The following COL4A6 variants were observed in gnomAD, a reference collection of about 807,000 sequenced individuals.
The protein encoded by COL4A6 is collagen alpha-6(IV) chain.
Under a neutral mutation model 126.7 loss-of-function variants are expected in COL4A6, and 59 were observed. That is an observed-to-expected ratio of 0.47 (90% CI 0.38 to 0.58). COL4A6 has a LOEUF of 0.58. COL4A6 is among the 20% of genes least tolerant of loss of function. COL4A6 has a pLI of 0.00. For synonymous variants in COL4A6, 547 were observed against 496.6 expected (o/e 1.10, Z -1.35); for missense variants, 1,285 against 1,337.3 (o/e 0.96, Z 0.61).
intron 2 of COL4A6, among the ~76,000 whole-genome samples, chrX:108,408,460 T>G (rs1393844047): frequency 8.9e-6 from 1 of 111,924 alleles, no homozygotes; most frequent in East Asian, 2.8e-4. Flanking sequence ...GATCACTTAT[T>G]AAAACGACAA....
chrX:108,324,230 T>C (rs1244343916), intron 2 of COL4A6, among the ~76,000 whole-genome samples: 1 of 112,031 alleles, frequency 8.9e-6, no homozygotes, highest in Non-Finnish European at 1.9e-5. Context: ...TTAAGGGCAG[T>C]GCCATTTCTG....
Position 108,288,289 on chromosome X carries a change from C to T in COL4A6, c.144+22459G>A, listed in dbSNP as rs372339204. Among the ~76,000 whole-genome samples, 42 of 111,830 alleles carry T rather than the reference C, an allele frequency of 3.8e-4. 1 individual carries two copies. In the South Asian group the frequency reaches 0.012, roughly 32 times the overall value. On this transcript the variant is annotated intron_variant, in intron 3 of 44. Transcript: ENST00000334504. ...GTAAGGTCAAATACCTGGATGAAAA[C>T]GAAAAGCTCTGTCATTTCCCATGAG... is the stretch of plus-strand genomic sequence containing the variant.
At position 108,325,026 on chromosome X, in the gene COL4A6, G is replaced by A. The variant is rs998065080; in HGVS notation, c.64-14198C>T. Among the ~76,000 whole-genome samples the A allele has an allele frequency of 2.7e-5, 3 of 112,237 alleles. No homozygotes were observed. The Admixed American group carries it at 2.8e-4, about 11-fold the overall frequency. ...CAGCATGAACAAGACAGACCAACTT[G>A]TCACGTATGCCTACATTTCTAAAAT... On this transcript the variant is annotated intron_variant, in intron 2 of 44. Transcript: ENST00000334504.
chrX:108,366,054 T>C (rs1410786827), intron 2 of COL4A6, among the ~76,000 whole-genome samples: 1 of 111,778 alleles, frequency 8.9e-6, no homozygotes, highest in Non-Finnish European at 1.9e-5. Context: ...CATCAAAAAG[T>C]CTTCTGAGGA....
intron 3 of COL4A6, among the ~76,000 whole-genome samples, chrX:108,228,731 A>C (rs2036233096): frequency 8.9e-6 from 1 of 112,141 alleles, no homozygotes; most frequent in Admixed American, 9.4e-5. Context: ...CACTATCAAG[A>C]AAACAGCATG....
rs141181226 is a variant in COL4A6 at position 108,207,837 on chromosome X, C to T, written c.547-1257G>A. Reference sequence around the variant, plus strand: ...CACCATTTTATACGAGGGATTTGTGCATTCATGGATTTGGGTATCCATGAG... The same window carrying T: ...CACCATTTTATACGAGGGATTTGTGTATTCATGGATTTGGGTATCCATGAG... On this transcript the variant is annotated intron_variant, in intron 8 of 44. Coordinates refer to ENST00000334504, the MANE Select transcript of COL4A6 (RefSeq NM_033641.4). 4.8e-3 allele frequency among the ~76,000 whole-genome samples: 531 copies of T among 110,772 alleles called. 3 individuals carry two copies. Among genetic ancestry groups the T allele is most frequent in the African/African-American group, 0.017 (518 of 30,418 alleles).
intron 6 of COL4A6, 107 bp from the exon 7 acceptor site, chrX:108,211,847 T>G (rs1228368247): frequency 1.8e-5 from 14 of 791,745 alleles, no homozygotes; most frequent in Non-Finnish European, 2.4e-5. Context: ...TGAAACCATG[T>G]GGCTTTTTCT....
At chrX:108,386,388 CCTGACTTTTTAATGATCACCATT>C (rs959891953) in intron 2 of COL4A6, among the ~76,000 whole-genome samples, 11 of 111,619 alleles carry the variant, frequency 9.9e-5, no homozygotes, top group African/African-American at 3.6e-4. Flanking sequence ...TTTGTTGTTT[CCTGACTTTTTAATGATCACCATT>C]CTAACTGGCG....
chrX:108,306,102 A>T (rs1469179366), intron 3 of COL4A6, among the ~76,000 whole-genome samples: 1 of 112,332 alleles, frequency 8.9e-6, no homozygotes, highest in African/African-American at 3.2e-5. Flanking sequence ...CAATCACAGT[A>T]GGAAAAGAAC....
At chrX:108,195,795 T>C (rs756769078) in intron 14 of COL4A6, among the ~76,000 whole-genome samples, 22 of 111,663 alleles carry the variant, frequency 2.0e-4, no homozygotes, top group Non-Finnish European at 4.0e-4. Context: ...GGTGATTATA[T>C]GTATTTTCAA....
chrX:108,343,161 ATATAGTGTGTGT>A (rs1230355734), intron 2 of COL4A6, among the ~76,000 whole-genome samples: 20 of 55,603 alleles, frequency 3.6e-4, no homozygotes, highest in East Asian at 1.5e-3. Context: ...ATATATATAT[ATATAGTGTGTGT>A]GTGTGTGTGT....
At chrX:108,302,707 TGTG>T (rs2038520895) in intron 3 of COL4A6, among the ~76,000 whole-genome samples, 1 of 110,823 alleles carries the variant, frequency 9.0e-6, no homozygotes, top group South Asian at 3.9e-4. Flanking sequence ...CCCTCCATCT[TGTG>T]GAGCCCCCAC....
At chrX:108,235,318 C>T (rs367794396) in intron 3 of COL4A6, among the ~76,000 whole-genome samples, 35 of 111,734 alleles carry the variant, frequency 3.1e-4, no homozygotes, top group African/African-American at 8.8e-4. Flanking sequence ...TTTGCCCTTG[C>T]TCAAAGTGAG....
At chrX:108,207,739 T>A (rs896767000) in intron 8 of COL4A6, among the ~76,000 whole-genome samples, 1 of 111,590 alleles carries the variant, frequency 9.0e-6, no homozygotes, top group Non-Finnish European at 1.9e-5. Context: ...TTACATTGTA[T>A]TAGGTATTAT....
intron 5 of COL4A6, 66 bp downstream of exon 5, chrX:108,219,632 A>G: frequency 1.0e-6 from 1 of 1,001,075 alleles, no homozygotes; most frequent in Non-Finnish European, 1.4e-6. Context: ...GCTGAGGTCA[A>G]AGTGTCCAAA....
chrX:108,196,676 T>A (rs1441380892), intron 13 of COL4A6, 97 bp from the exon 14 acceptor site: 7 of 693,748 alleles, frequency 1.0e-5, no homozygotes, highest in African/African-American at 6.5e-5. Flanking sequence ...TAAGCTCCAC[T>A]CTCCCCTTAG....
chrX:108,190,533 T>C, intron 19 of COL4A6, 37 bp from the exon 20 acceptor site: 1 of 955,963 alleles, frequency 1.0e-6, no homozygotes. Flanking sequence ...TAGCAACTTG[T>C]ATAAGCCTGA....
chrX:108,321,357 T>C (rs1221472436), intron 2 of COL4A6, among the ~76,000 whole-genome samples: 1 of 111,365 alleles, frequency 9.0e-6, no homozygotes, highest in African/African-American at 3.3e-5. Context: ...TTGTTTTTTG[T>C]TTTTGTTGTT....
rs927615564 is a variant in COL4A6 at position 108,156,824 on chromosome X, T to C, written c.*176A>G. Reference sequence around the variant, plus strand: ...CAGATCTCAGCAGGGTGGGCTCATCTCTATGGACCCGAGGGCTGGGGTGAC... The same window carrying C: ...CAGATCTCAGCAGGGTGGGCTCATCCCTATGGACCCGAGGGCTGGGGTGAC... On this transcript the variant is annotated 3_prime_UTR_variant, in exon 45 of 45. Transcript: ENST00000334504. The C allele has an allele frequency of 4.1e-6, 2 of 493,622 alleles. No homozygotes were observed. Among genetic ancestry groups the C allele is most frequent in the African/African-American group, 2.4e-5 (1 of 41,930 alleles). 40.7% of individuals were successfully genotyped at this position (493,622 alleles called of 1,213,427 possible).
Sources: allele counts gnomAD v4.1 joint callset (sites outside exome capture counted in the v4.1 genomes callset), GRCh38; gene constraint gnomAD v4.1.1; transcripts MANE v1.5; gene names NCBI Gene and HGNC (gene_info 2026-07-23, HGNC 2026-07-21).